The following MYH11 variants were observed in gnomAD, a reference collection of about 807,000 sequenced individuals.
MYH11 encodes the protein myosin heavy chain 11, also known as myosin-11.
A neutral mutation model predicts 246.6 loss-of-function variants in MYH11; 80 were observed. The ratio of observed to expected loss-of-function variants is 0.32; its 90% confidence interval spans 0.27 to 0.39. The LOEUF (loss-of-function observed/expected upper bound fraction) is 0.39. Among genes scored for constraint, MYH11 ranks in the 10% least tolerant of loss-of-function variants. The probability of loss-of-function intolerance (pLI) is 1.00; values close to 1 mark genes in which losing one functional copy is unlikely to be tolerated. For synonymous variants in MYH11, 1,071 were observed against 1,015.5 expected, an observed-to-expected ratio of 1.05 and a Z score of -1.04; for missense variants, 2,158 against 2,546.8, an observed-to-expected ratio of 0.85 and a Z score of 3.29.
chr16:15,704,959 G>A (rs370823128), intron 40 of MYH11, among the ~76,000 whole-genome samples: 3 of 152,118 alleles, frequency 2.0e-5, no homozygotes, highest in Non-Finnish European at 2.9e-5. Flanking sequence ...CATTACAGGC[G>A]TGGGCCACCA....
chr16:15,755,297 T>TTGA (rs61470717), intron 14 of MYH11, among the ~76,000 whole-genome samples: 330 of 152,100 alleles, frequency 2.2e-3, no homozygotes, highest in African/African-American at 6.6e-3. Flanking sequence ...CCAAGGCATG[T>TTGA]TGATGATGAT....
At chr16:15,822,063 A>G (rs7192322) in intron 3 of MYH11, among the ~76,000 whole-genome samples, 42,249 of 152,152 alleles carry the variant, frequency 0.28, 6,117 homozygotes, top group African/African-American at 0.36. Flanking sequence ...AAGGGCCAAG[A>G]TTCTGGTCCT....
intron 5 of MYH11, chr16:15,785,008 A>AATTTTTTTTTT (rs1179433467): frequency 1.0e-5 from 1 of 96,518 alleles, no homozygotes; most frequent in African/African-American, 5.6e-5. Flanking sequence ...AATTCTCTTG[A>AATTTTTTTTTT]TTTTTTTTTT....
rs2041821090 is a variant in MYH11, at chr16:15,759,663, G to A, written c.1314C>T (p.Thr438=). 1.2e-6 allele frequency: 2 copies of A among 1,614,204 alleles called. No homozygotes were observed. Among genetic ancestry groups the A allele is most frequent in the Non-Finnish European group, 1.7e-6 (2 of 1,180,044 alleles). The part of the protein sequence containing the change: ...TYERLFRWIL[T]RVNKALDKTH... ...TCTTGTCCAGGGCTTTGTTCACGCG[G>A]GTGAGTATCCAGCGGAAAAGGCGCT... The change falls in exon 12 of 41, where the codon ACC becomes ACT. Residue 438 remains threonine, a synonymous_variant. Coordinates refer to ENST00000300036, the MANE Select transcript of MYH11 (RefSeq NM_002474.3).
intron 27 of MYH11, 33 bp downstream of exon 27, chr16:15,732,531 T>TCATCACCAAAAAG: frequency 6.2e-7 from 1 of 1,613,978 alleles, no homozygotes; most frequent in Non-Finnish European, 8.5e-7. Context: ...CTCTTATGTG[T>TCATCACCAAAAAG]CATCACCAAA....
intron 2 of MYH11, 75 bp downstream of exon 2, chr16:15,837,833 C>T: frequency 1.5e-6 from 2 of 1,374,090 alleles, no homozygotes; most frequent in Non-Finnish European, 1.0e-6. Context: ...CTGTGCCCAG[C>T]CCTCCCAACA....
chr16:15,820,475 GAAAAAAAA>G (rs199534515), intron 3 of MYH11, among the ~76,000 whole-genome samples: 1 of 104,396 alleles, frequency 9.6e-6, no homozygotes, highest in African/African-American at 3.6e-5. Flanking sequence ...ACTCCATCCG[GAAAAAAAA>G]AAAAAAAAAG....
At chr16:15,732,780 T>C in intron 26 of MYH11, 72 bp from the exon 27 acceptor site, 3 of 1,584,324 alleles carry the variant, frequency 1.9e-6, no homozygotes, top group South Asian at 1.1e-5. Flanking sequence ...TGCAAAAGAA[T>C]GAGAGCTCTT....
chr16:15,716,228 T>G (rs2040126387), intron 38 of MYH11, among the ~76,000 whole-genome samples: 1 of 152,002 alleles, frequency 6.6e-6, no homozygotes, highest in Admixed American at 6.6e-5. Flanking sequence ...ATACCACATA[T>G]GGCCTGGGGT....
intron 5 of MYH11, chr16:15,786,353 C>T (rs2042468540): frequency 1.7e-6 from 1 of 574,286 alleles, no homozygotes; most frequent in Admixed American, 2.4e-5. Flanking sequence ...CTGAGAAGCC[C>T]CGACGTGGAG....
intron 40 of MYH11, chr16:15,708,694 C>T (rs1187465310): frequency 1.2e-5 from 14 of 1,198,506 alleles, no homozygotes; most frequent in East Asian, 2.5e-5. Context: ...GCAAGAATCT[C>T]GTGGAAATGT....
intron 2 of MYH11, among the ~76,000 whole-genome samples, chr16:15,831,462 G>GGGGT (rs774781413): frequency 4.5e-5 from 3 of 66,884 alleles, no homozygotes; most frequent in African/African-American, 1.8e-4. Flanking sequence ...TCTTATGTTT[G>GGGGT]GGGTGTGTGT....
At chr16:15,765,572 T>C (rs889070684) in intron 9 of MYH11, among the ~76,000 whole-genome samples, 2 of 152,196 alleles carry the variant, frequency 1.3e-5, no homozygotes, top group Admixed American at 6.5e-5. Context: ...TGGCTTCAAA[T>C]CAGTCACTAT....
At chr16:15,710,693 TTTTTTG>T (rs1328510794) in intron 40 of MYH11, among the ~76,000 whole-genome samples, 14 of 151,832 alleles carry the variant, frequency 9.2e-5, no homozygotes, top group African/African-American at 2.7e-4. Context: ...TTTTTGTTTT[TTTTTTG>T]GAGACAGAGT....
At chr16:15,741,360 T>G in intron 22 of MYH11, 103 bp downstream of exon 22, 1 of 1,300,104 alleles carries the variant, frequency 7.7e-7, no homozygotes, top group Non-Finnish European at 1.1e-6. Context: ...CGTCTCATCA[T>G]CTGTCCCAGC....
chr16:15,718,774 C>T (rs898367894), intron 36 of MYH11: 1 of 445,926 alleles, frequency 2.2e-6, no homozygotes, highest in African/African-American at 2.0e-5. Context: ...TGACGGAAAA[C>T]CTAACCACCA....
chr16:15,728,503 A>G (rs1158242440), intron 27 of MYH11, among the ~76,000 whole-genome samples: 2 of 152,094 alleles, frequency 1.3e-5, no homozygotes, highest in African/African-American at 4.8e-5. Flanking sequence ...CCCGTCCTTC[A>G]CAGGTGTCGT....
intron 40 of MYH11, among the ~76,000 whole-genome samples, chr16:15,709,345 C>CT (rs1328556139): frequency 5.9e-5 from 9 of 152,078 alleles, no homozygotes; most frequent in African/African-American, 1.2e-4. Context: ...TTTTGATACT[C>CT]TGTCACCCAG....
At chr16:15,809,300 G>A (rs114153367) in intron 3 of MYH11, among the ~76,000 whole-genome samples, 291 of 152,296 alleles carry the variant, frequency 1.9e-3, no homozygotes, top group African/African-American at 4.9e-3. Flanking sequence ...GGGAGACCGA[G>A]GCGGGAGGAT....
Sources: gnomAD v4.1 joint callset for allele counts (sites outside exome capture counted in the v4.1 genomes callset) on GRCh38, gnomAD v4.1.1 for gene constraint, MANE v1.5 for transcripts, NCBI Gene and HGNC (gene_info 2026-07-23, HGNC 2026-07-21) for gene names.